Variants in CTDSPL observed in about 807,000 individuals in gnomAD.
CTDSPL encodes CTD small phosphatase like, also known as CTD small phosphatase-like protein.
In CTDSPL, 8 loss-of-function variants were observed where a neutral mutation model predicts 30.5. That is an observed-to-expected ratio of 0.26 (90% CI 0.15 to 0.47). The LOEUF is 0.47. CTDSPL is among the 20% of genes least tolerant of loss of function. The pLI, the probability that CTDSPL is intolerant of heterozygous loss-of-function variation, is 0.99. For synonymous variants in CTDSPL, 110 were observed against 137.9 expected (o/e 0.80, Z 1.42); for missense variants, 248 against 366.1 (o/e 0.68, Z 2.63).
chr3:37,882,653 G>T (rs1698220952), intron 1 of CTDSPL, among the ~76,000 whole-genome samples: 1 of 152,048 alleles, frequency 6.6e-6, no homozygotes, highest in Non-Finnish European at 1.5e-5. Context: ...GACTCTAGCT[G>T]AGTATTAGGA....
intron 1 of CTDSPL, among the ~76,000 whole-genome samples, chr3:37,927,829 G>C (rs1247733425): frequency 6.6e-6 from 1 of 151,574 alleles, no homozygotes; most frequent in East Asian, 1.9e-4. Flanking sequence ...TAGACTCATT[G>C]AACAGTAACT....
chr3:37,944,996 T>C lies in CTDSPL; in HGVS notation c.80-2061T>C, dbSNP rs1343426969. 1.3e-5 allele frequency among the ~76,000 whole-genome samples: 2 copies of C among 150,284 alleles called. 1 individual carries two copies. Among genetic ancestry groups the C allele is most frequent in the Non-Finnish European group, 3.0e-5 (2 of 67,058 alleles). On this transcript the variant is annotated intron_variant, in intron 1 of 7. Transcript: ENST00000273179. ...TTCATTTGTTAATTAGTTAGTTAGT[T>C]AGTTATGGGGAAAGTTCGTGTGATC... is the stretch of plus-strand genomic sequence containing the variant.
chr3:37,890,821 A>G (rs1260602201), intron 1 of CTDSPL, among the ~76,000 whole-genome samples: 2 of 152,130 alleles, frequency 1.3e-5, no homozygotes, highest in Non-Finnish European at 2.9e-5. Context: ...GCTGAGCGGG[A>G]GTGTATACCT....
chr3:37,914,475 T>A (rs941059939), intron 1 of CTDSPL, among the ~76,000 whole-genome samples: 13 of 152,346 alleles, frequency 8.5e-5, no homozygotes, highest in Middle Eastern at 6.8e-3. Context: ...TAATTATTTG[T>A]AAATACCATA....
At chr3:37,956,030 G>A (rs1016793477) in intron 2 of CTDSPL, among the ~76,000 whole-genome samples, 2 of 152,170 alleles carry the variant, frequency 1.3e-5, no homozygotes, top group Non-Finnish European at 2.9e-5. Context: ...TCTGCCTTGA[G>A]TGATGTCAGA....
chr3:37,884,109 A>C (rs1388824567), intron 1 of CTDSPL, among the ~76,000 whole-genome samples: 3 of 152,224 alleles, frequency 2.0e-5, no homozygotes, highest in African/African-American at 4.8e-5. Flanking sequence ...CCTTTTAAGG[A>C]ATTTGCCATA....
At chr3:37,901,312 G>A (rs1273221405) in intron 1 of CTDSPL, among the ~76,000 whole-genome samples, 1 of 152,128 alleles carries the variant, frequency 6.6e-6, no homozygotes, top group African/African-American at 2.4e-5. Context: ...TCATGCCAGG[G>A]TTCACTCTGG....
chr3:37,923,517 CAA>C (rs1263800330), intron 1 of CTDSPL, among the ~76,000 whole-genome samples: 17 of 152,086 alleles, frequency 1.1e-4, no homozygotes, highest in Admixed American at 3.9e-4. Flanking sequence ...GTGGTTTATG[CAA>C]TTTTATCAAG....
chr3:37,925,693 A>G (rs184336539), intron 1 of CTDSPL, among the ~76,000 whole-genome samples: 2 of 152,200 alleles, frequency 1.3e-5, no homozygotes, highest in Non-Finnish European at 2.9e-5. Context: ...CTGGGAACAG[A>G]GCAGATAAGC....
intron 1 of CTDSPL, among the ~76,000 whole-genome samples, chr3:37,923,200 G>A (rs1181562915): frequency 6.6e-6 from 1 of 152,226 alleles, no homozygotes; most frequent in Non-Finnish European, 1.5e-5. Flanking sequence ...ATGGGGAGAA[G>A]AGCCTGGGCC....
chr3:37,873,828 A>T (rs1698103932), intron 1 of CTDSPL, among the ~76,000 whole-genome samples: 1 of 152,270 alleles, frequency 6.6e-6, no homozygotes, highest in African/African-American at 2.4e-5. Context: ...AGTCTAGATC[A>T]GTAGGGCATC....
intron 1 of CTDSPL, among the ~76,000 whole-genome samples, chr3:37,931,243 G>A (rs1698852047): frequency 6.6e-6 from 1 of 151,536 alleles, no homozygotes; most frequent in South Asian, 2.1e-4. Flanking sequence ...GAACTCCTGG[G>A]CTCAAGCAAT....
At chr3:37,949,989 A>G (rs374795256) in intron 2 of CTDSPL, among the ~76,000 whole-genome samples, 1 of 152,252 alleles carries the variant, frequency 6.6e-6, no homozygotes, top group Non-Finnish European at 1.5e-5. Flanking sequence ...ACTCGAATGT[A>G]TAGTCCCATG....
chr3:37,912,048 A>T (rs1698589432), intron 1 of CTDSPL, among the ~76,000 whole-genome samples: 1 of 152,190 alleles, frequency 6.6e-6, no homozygotes, highest in Admixed American at 6.5e-5. Context: ...GTCCTGATAC[A>T]CTTAGAAGTC....
chr3:37,969,473 G>T, intron 5 of CTDSPL: 1 of 505,806 alleles, frequency 2.0e-6, no homozygotes, highest in Non-Finnish European at 4.1e-6. Context: ...TTACTTGCAC[G>T]GGGACGCGGG....
intron 2 of CTDSPL, among the ~76,000 whole-genome samples, chr3:37,949,066 C>T (rs976862836): frequency 1.3e-5 from 2 of 151,096 alleles, no homozygotes; most frequent in East Asian, 3.9e-4. Flanking sequence ...ATGATCCACC[C>T]GCCTCAGCCT....
rs1333884528 is a variant in CTDSPL, at chr3:37,881,489, A to C, written c.79+19211A>C. Among the ~76,000 whole-genome samples, 10 of 152,350 alleles carry C rather than the reference A, an allele frequency of 6.6e-5. 1 individual carries two copies. The East Asian group carries it at 1.3e-3, about 21-fold the overall frequency. On this transcript the variant is annotated intron_variant, in intron 1 of 7. Transcript: ENST00000273179. The stretch of plus-strand genomic sequence containing the variant: ...AGTTGCAGTGAGCCAAGATCGCGCC[A>C]CTGCACTCCAGCCTGGATGACAGTG...
chr3:37,897,258 T>C (rs949773589), intron 1 of CTDSPL, among the ~76,000 whole-genome samples: 1 of 152,160 alleles, frequency 6.6e-6, no homozygotes, highest in African/African-American at 2.4e-5. Context: ...ACTTTCACGT[T>C]ATGAAAAAAA....
At chr3:37,901,911 C>A (rs1459648950) in intron 1 of CTDSPL, among the ~76,000 whole-genome samples, 1 of 152,218 alleles carries the variant, frequency 6.6e-6, no homozygotes, top group Non-Finnish European at 1.5e-5. Flanking sequence ...ATGGTGACAT[C>A]AGGGACTCAT....
Sources: allele counts gnomAD v4.1 joint callset (sites outside exome capture counted in the v4.1 genomes callset), GRCh38; gene constraint gnomAD v4.1.1; transcripts MANE v1.5; gene names NCBI Gene and HGNC (gene_info 2026-07-23, HGNC 2026-07-21).